The following SNTB2 variants were observed in gnomAD, a reference collection of about 807,000 sequenced individuals.
SNTB2 encodes the protein syntrophin beta 2, also known as beta-2-syntrophin.
SNTB2 carries 34 observed loss-of-function variants against 46.2 expected under a neutral mutation model. The ratio of observed to expected loss-of-function variants is 0.74; its 90% CI spans 0.56 to 0.98. SNTB2 has a LOEUF of 0.98. Among genes scored for constraint, SNTB2 ranks in the 50% least tolerant of loss-of-function variants. The pLI is 0.00. For missense variants in SNTB2, 603 were observed against 731.4 expected (o/e 0.82, Z 2.02); for synonymous variants, 290 against 312.6 (o/e 0.93, Z 0.76).
chr16:69,260,141 C>G lies in SNTB2; in HGVS notation c.886C>G (p.His296Asp). Reference sequence around the variant, plus strand: ...AGCACACTCCTGGTTCGTAGCTATCCACACCAACATAATGGCTCTCCTCCC... The same window carrying G: ...AGCACACTCCTGGTTCGTAGCTATCGACACCAACATAATGGCTCTCCTCCC... ...ATAHSWFVAIHTNIMALLPQV... is the reference protein window; with the variant it reads ...ATAHSWFVAIDTNIMALLPQV... The change falls in exon 3 of 7, where the codon CAC (histidine) becomes GAC (aspartate). Residue 296 changes from histidine to aspartate, a missense_variant. Physicochemically the swap from His to Asp is moderately conservative, Grantham distance 81. Coordinates refer to ENST00000336278, the MANE Select transcript of SNTB2 (RefSeq NM_006750.4). 1 of 1,614,026 alleles carries G rather than the reference C, an allele frequency of 6.2e-7. No homozygotes were observed. Among genetic ancestry groups the G allele is most frequent in the Non-Finnish European group, 8.5e-7 (1 of 1,179,984 alleles).
intron 2 of SNTB2, among the ~76,000 whole-genome samples, chr16:69,256,135 A>G (rs1439649201): frequency 6.6e-6 from 1 of 151,872 alleles, no homozygotes; most frequent in African/African-American, 2.4e-5. Flanking sequence ...GCAGTGAGCC[A>G]AGATCGGGCC....
chr16:69,247,409 C>T (rs975531513), intron 2 of SNTB2, among the ~76,000 whole-genome samples: 4 of 152,104 alleles, frequency 2.6e-5, no homozygotes, highest in Non-Finnish European at 5.9e-5. Flanking sequence ...TGCCCAAAGA[C>T]ATAGTTAAGG....
intron 3 of SNTB2, among the ~76,000 whole-genome samples, chr16:69,261,945 A>T (rs924784362): frequency 6.6e-6 from 1 of 152,054 alleles, no homozygotes; most frequent in African/African-American, 2.4e-5. Context: ...GTGGTGGCTC[A>T]TACCTGTAAA....
At chr16:69,279,515 C>CT (rs57637291) in intron 4 of SNTB2, among the ~76,000 whole-genome samples, 2,633 of 71,672 alleles carry the variant, frequency 0.037, 658 homozygotes, top group African/African-American at 0.12. Flanking sequence ...GTCCTTTGCC[C>CT]TTTTTTTTTT....
intron 5 of SNTB2, among the ~76,000 whole-genome samples, chr16:69,293,380 A>G (rs1965192849): frequency 1.3e-5 from 2 of 152,224 alleles, no homozygotes; most frequent in Admixed American, 6.5e-5. Context: ...ATAGAGAAAT[A>G]GAAGCTGATA....
chr16:69,206,982 G>A (rs1428543445), intron 1 of SNTB2, among the ~76,000 whole-genome samples: 2 of 151,782 alleles, frequency 1.3e-5, no homozygotes, highest in African/African-American at 4.8e-5. Flanking sequence ...GGCCAGGCTG[G>A]GCTTGAACTC....
chr16:69,225,736 A>C (rs1211812644), intron 1 of SNTB2, among the ~76,000 whole-genome samples: 1 of 152,218 alleles, frequency 6.6e-6, no homozygotes, highest in African/African-American at 2.4e-5. Context: ...CTTTGCACAT[A>C]GGAGAGAGTT....
intron 1 of SNTB2, among the ~76,000 whole-genome samples, chr16:69,204,532 A>G (rs1225893286): frequency 6.6e-6 from 1 of 152,238 alleles, no homozygotes; most frequent in Non-Finnish European, 1.5e-5. Flanking sequence ...AAATTCTTTC[A>G]GAATCACAAA....
At chr16:69,225,542 G>A (rs926061078) in intron 1 of SNTB2, among the ~76,000 whole-genome samples, 2 of 152,132 alleles carry the variant, frequency 1.3e-5, no homozygotes, top group African/African-American at 2.4e-5. Context: ...TTTATTTGCT[G>A]CTGTTACATC....
At chr16:69,283,492 C>T (rs1477568242) in intron 4 of SNTB2, among the ~76,000 whole-genome samples, 1 of 152,128 alleles carries the variant, frequency 6.6e-6, no homozygotes, top group African/African-American at 2.4e-5. Context: ...TATTCACTGC[C>T]TTCTACCATT....
chr16:69,270,373 T>C (rs1964926224), intron 4 of SNTB2, 88 bp downstream of exon 4: 3 of 1,513,892 alleles, frequency 2.0e-6, no homozygotes, highest in East Asian at 2.3e-5. Flanking sequence ...TTATCTTAGG[T>C]GCCTAAAAGA....
At chr16:69,214,036 G>C (rs1964318522) in intron 1 of SNTB2, among the ~76,000 whole-genome samples, 1 of 150,422 alleles carries the variant, frequency 6.6e-6, no homozygotes, top group Non-Finnish European at 1.5e-5. Context: ...TCTTGGCCAG[G>C]CTGGTCTTGA....
chr16:69,256,483 AT>A (rs1336361682), intron 2 of SNTB2, among the ~76,000 whole-genome samples: 1 of 151,912 alleles, frequency 6.6e-6, no homozygotes, highest in Non-Finnish European at 1.5e-5. Context: ...AAAACTCCCC[AT>A]TTCACCCTTC....
Position 69,278,962 on chromosome 16 carries a change from G to A in SNTB2, c.1149-5086G>A, listed in dbSNP as rs9936401. 4.5e-3 allele frequency among the ~76,000 whole-genome samples: 682 copies of A among 149,922 alleles called. 3 individuals are homozygous for A. Among genetic ancestry groups the A allele is most frequent in the East Asian group, 0.026 (134 of 5,098 alleles). On this transcript the variant is annotated intron_variant, in intron 4 of 6. Transcript: ENST00000336278. ...TAAACTCATAACGTGTGCTCGCTTC[G>A]GCAGCACATATACTAAAAAAACTCA... is the stretch of plus-strand genomic sequence containing the variant.
Position 69,306,591 on chromosome 16 carries a change from A to G in SNTB2, c.*5667A>G, listed in dbSNP as rs1274308647. On this transcript the variant is annotated 3_prime_UTR_variant, in exon 7 of 7. Coordinates refer to ENST00000336278, the MANE Select transcript of SNTB2 (RefSeq NM_006750.4). ...AGATTGGTTAAAACCAAAAACCTAT[A>G]AGAGAGAAATGATATTTCATTGTAT... The G allele has an allele frequency of 6.6e-6, 1 of 152,256 alleles. No homozygotes were observed. Among genetic ancestry groups the G allele is most frequent in the African/African-American group, 2.4e-5 (1 of 41,472 alleles). 9.4% of individuals were successfully genotyped at this position (152,256 alleles called of 1,614,324 possible).
At chr16:69,250,199 T>G (rs531576745) in intron 2 of SNTB2, among the ~76,000 whole-genome samples, 4 of 152,358 alleles carry the variant, frequency 2.6e-5, no homozygotes, top group Admixed American at 6.5e-5. Context: ...TTCCATGCGT[T>G]TTTTAGACAT....
At chr16:69,281,846 GA>G (rs1461664869) in intron 4 of SNTB2, among the ~76,000 whole-genome samples, 2 of 141,496 alleles carry the variant, frequency 1.4e-5, no homozygotes, top group African/African-American at 5.2e-5. Flanking sequence ...TCCATCTTAA[GA>G]AAAAAAAGAA....
At chr16:69,219,708 ATTTTATTTTATTTTGTTTTG>A (rs1964381573) in intron 1 of SNTB2, among the ~76,000 whole-genome samples, 1 of 148,208 alleles carries the variant, frequency 6.7e-6, no homozygotes, top group African/African-American at 2.6e-5. Flanking sequence ...TAGAAACCAG[ATTTTATTTTATTTTGTTTTG>A]TTTTGTTTTG....
chr16:69,247,239 T>C (rs1964679624), intron 2 of SNTB2, among the ~76,000 whole-genome samples: 1 of 152,014 alleles, frequency 6.6e-6, no homozygotes. Context: ...AGTTTCCTCA[T>C]TTGCAAAATG....
Sources: gnomAD v4.1 joint callset for allele counts (sites outside exome capture counted in the v4.1 genomes callset) on GRCh38, gnomAD v4.1.1 for gene constraint, MANE v1.5 for transcripts, NCBI Gene and HGNC (gene_info 2026-07-23, HGNC 2026-07-21) for gene names.